Variants in MAP3K4 observed in about 807,000 individuals in gnomAD.
MAP3K4 encodes MAP three kinase 1.
A neutral mutation model predicts 185.6 loss-of-function variants in MAP3K4; 67 were observed. That is an observed-to-expected ratio of 0.36 (90% CI 0.30 to 0.44). MAP3K4 has a LOEUF of 0.44. MAP3K4 is among the 20% of genes least tolerant of loss of function. The pLI is 1.00. For missense variants in MAP3K4, 1,551 were observed against 1,995.1 expected (o/e 0.78, Z 4.24); for synonymous variants, 702 against 710.4 (o/e 0.99, Z 0.19).
chr6:161,027,464 G>C (rs184995874), intron 1 of MAP3K4, among the ~76,000 whole-genome samples: 20 of 152,316 alleles, frequency 1.3e-4, no homozygotes, highest in Admixed American at 3.9e-4. Context: ...TTAGGTGTAA[G>C]AGAGAACTGT....
In MAP3K4 at chr6:161,109,991, C is replaced by A; in HGVS notation, c.4396+77C>A. 2 of 1,448,902 alleles carry A rather than the reference C, an allele frequency of 1.4e-6. No homozygotes were observed. The highest frequency in any genetic ancestry group is 1.2e-5 in the South Asian group (1 of 85,446). 89.8% of individuals were successfully genotyped at this position (1,448,902 alleles called of 1,614,324 possible). On this transcript the variant is annotated intron_variant, in intron 23 of 26. Transcript: ENST00000392142. The surrounding 1 kb of genome is among the most constrained non-coding windows in gnomAD (Gnocchi z 5.7). ...CCGTGGGAGGTGCTCTGAAGACGCT[C>A]ATCCCATTCCCACATATGATTTCTC...
rs755383181 is a variant in MAP3K4, at chr6:161,034,491, G to A, written c.343+42G>A. ...AAAAGAGGTGTACATGAGAGGGTAT[G>A]GCACTTGATTGATTCTTTCAACAAT... On this transcript the variant is annotated intron_variant, in intron 2 of 26. Coordinates refer to ENST00000392142, the MANE Select transcript of MAP3K4 (RefSeq NM_005922.4). This position sits in a 1 kb window ranked among gnomAD's most constrained non-coding sequence, Gnocchi z 4.4. The A allele has an allele frequency of 2.8e-6, 4 of 1,438,752 alleles. No homozygotes were observed. The South Asian group carries it at 3.9e-5, about 14-fold the overall frequency. 89.1% of individuals were successfully genotyped at this position (1,438,752 alleles called of 1,614,324 possible). A position where few individuals can be genotyped will look rare whatever the true frequency, so the allele number is the denominator to read the frequency against.
chr6:161,065,799 G>A (rs918458291), intron 3 of MAP3K4, among the ~76,000 whole-genome samples: 3 of 152,018 alleles, frequency 2.0e-5, no homozygotes, highest in Non-Finnish European at 2.9e-5. Flanking sequence ...TTAGTCTGGC[G>A]TGGTGGCGGG....
intron 15 of MAP3K4, among the ~76,000 whole-genome samples, chr6:161,095,643 AT>A: frequency 6.6e-6 from 1 of 152,296 alleles, no homozygotes; most frequent in East Asian, 1.9e-4. Context: ...GTCAACAGGT[AT>A]TGATCTCACT....
chr6:161,027,093 C>T (rs1055832207), intron 1 of MAP3K4, among the ~76,000 whole-genome samples: 6 of 152,082 alleles, frequency 3.9e-5, no homozygotes, highest in African/African-American at 1.4e-4. Flanking sequence ...AGGCCTCATC[C>T]ACTTACCTAC....
Position 161,107,441 on chromosome 6 carries a change from T to C in MAP3K4, c.4049-458T>C, listed in dbSNP as rs1778134177. 6.6e-6 allele frequency among the ~76,000 whole-genome samples: 1 copy of C among 152,202 alleles called. No homozygotes were observed. The highest frequency in any genetic ancestry group is 1.5e-5 in the Non-Finnish European group (1 of 68,038). ...AGTCTTGTCCAGGCACATATCCTCT[T>C]GCTTTAATGTCCCAGAAGGTATGTT... On this transcript the variant is annotated intron_variant, in intron 20 of 26. Coordinates refer to ENST00000392142, the MANE Select transcript of MAP3K4 (RefSeq NM_005922.4). The surrounding 1 kb of genome is among the most constrained non-coding windows in gnomAD (Gnocchi z 6.2).
At chr6:160,997,652 G>C (rs73022077) in intron 1 of MAP3K4, among the ~76,000 whole-genome samples, 1 of 152,140 alleles carries the variant, frequency 6.6e-6, no homozygotes, top group Admixed American at 6.5e-5. Context: ...ATTTGAGGTA[G>C]TTTTTCATCT....
chr6:161,012,020 A>G (rs949410424), intron 1 of MAP3K4, among the ~76,000 whole-genome samples: 3 of 152,104 alleles, frequency 2.0e-5, no homozygotes, highest in African/African-American at 7.2e-5. Context: ...TGAGTTGGCA[A>G]TCTCCCCACC....
Position 161,102,274 on chromosome 6 carries a change from T to A in MAP3K4, c.3775+282T>A, listed in dbSNP as rs543823102. 1.8e-4 allele frequency among the ~76,000 whole-genome samples: 28 copies of A among 152,354 alleles called. No homozygotes were observed. In the South Asian group the frequency reaches 5.4e-3, roughly 29 times the overall value. ...TATTCTAGATATTTTAACTGTTGAATACTTTTATTCATTTAAAAAATACAA... is the reference window on the plus strand; with the variant it reads ...TATTCTAGATATTTTAACTGTTGAAAACTTTTATTCATTTAAAAAATACAA... On this transcript the variant is annotated intron_variant, in intron 18 of 26. Transcript: ENST00000392142.
In MAP3K4 at chr6:161,100,038, C is replaced by T. The variant is rs887763723; in HGVS notation, c.3674+1611C>T. Among the ~76,000 whole-genome samples the T allele has an allele frequency of 4.7e-4, 72 of 152,146 alleles. No homozygotes were observed. Among genetic ancestry groups the T allele is most frequent in the Non-Finnish European group, 2.1e-4 (14 of 68,030 alleles). ...AAGGACATTTTTTACTCAGGATTCC[C>T]GTTTACTTTATGACCGTCTGTGTGT... On this transcript the variant is annotated intron_variant, in intron 17 of 26. Transcript: ENST00000392142. The surrounding 1 kb of genome is among the most constrained non-coding windows in gnomAD (Gnocchi z 5.8).
chr6:161,058,225 T>G (rs1347621022), intron 3 of MAP3K4, among the ~76,000 whole-genome samples: 1 of 152,226 alleles, frequency 6.6e-6, no homozygotes, highest in Non-Finnish European at 1.5e-5. Flanking sequence ...TAAATATTTT[T>G]TTTGACTTAG....
In MAP3K4 at chr6:161,048,764, A is replaced by G. The variant is rs1431847319; in HGVS notation, c.492A>G (p.Ser164=). ...ERDRKKNVQC[S]FMLDSVGGSL... Reference sequence around the variant, plus strand: ...ATCGTAAAAAAAATGTACAGTGCTCATTCATGTTAGACTCAGTGGGTGGAT... The same window carrying G: ...ATCGTAAAAAAAATGTACAGTGCTCGTTCATGTTAGACTCAGTGGGTGGAT... The change falls in exon 3 of 27, where the codon TCA becomes TCG. Residue 164 remains serine (S), a synonymous_variant. Transcript: ENST00000392142. This position sits in a 1 kb window ranked among gnomAD's most constrained non-coding sequence, Gnocchi z 4.7. The G allele has an allele frequency of 5.0e-6, 8 of 1,614,130 alleles. No individual in the cohort carries two copies. In the African/African-American group the frequency reaches 5.3e-5, roughly 11 times the overall value.
In MAP3K4 at chr6:161,086,896, T is replaced by A. The variant is rs1785745767; in HGVS notation, c.2556+229T>A. Among the ~76,000 whole-genome samples the A allele has an allele frequency of 6.6e-6, 1 of 152,220 alleles. No individual in the cohort carries two copies. The highest frequency in any genetic ancestry group is 2.1e-4 in the South Asian group (1 of 4,826). ...AGAGTGTAGATAAATAATAAAAAGT[T>A]TACTCATGCTGTTTATTAATTTAGT... On this transcript the variant is annotated intron_variant, in intron 9 of 26. Transcript: ENST00000392142. The surrounding 1 kb of genome is among the most constrained non-coding windows in gnomAD (Gnocchi z 4.8).
chr6:161,008,988 C>CT lies in MAP3K4; in HGVS notation c.152+16920dup, dbSNP rs35129518. On this transcript the variant is annotated intron_variant, in intron 1 of 26. Coordinates refer to ENST00000392142, the MANE Select transcript of MAP3K4 (RefSeq NM_005922.4). This position sits in a 1 kb window ranked among gnomAD's most constrained non-coding sequence, Gnocchi z 4.1. ...ATTCATTTTTTTAAACCATCTGAAC[C>CT]TTTTTTTTTTTTTTTGAGACGGAAT... Among the ~76,000 whole-genome samples the CT allele has an allele frequency of 0.12, 16,749 of 139,246 alleles. 1,380 individuals carry two copies. The highest frequency in any genetic ancestry group is 0.24 in the African/African-American group (8,895 of 37,764). The allele number at this position is 139,246 out of a possible 152,430, so 91.4% of individuals were successfully genotyped here. A position where few individuals can be genotyped will look rare whatever the true frequency, so the allele number is the denominator to read the frequency against.
At position 161,097,100 on chromosome 6, in the gene MAP3K4, C is replaced by T. The variant is rs747914971; in HGVS notation, c.3448C>T (p.Arg1150Cys). 12 of 1,614,118 alleles carry T rather than the reference C, an allele frequency of 7.4e-6. No homozygotes were observed. Among genetic ancestry groups the T allele is most frequent in the South Asian group, 2.2e-5 (2 of 91,078 alleles). ...GGCAGCCATTCATCGGAACAGCCCC[C>T]GTCCTATGAAGGTACCTCGATGCCA... is the stretch of plus-strand genomic sequence containing the variant. ...LYLAIHRNSP[R>C]PMKVPRCHSD... Residue 1150 changes from arginine to cysteine, a missense_variant, in exon 16 of 27, where the codon CGT becomes TGT. By Grantham distance (180) the Arg-to-Cys change is radical (BLOSUM62 -3). Transcript: ENST00000392142. This position sits in a 1 kb window ranked among gnomAD's most constrained non-coding sequence, Gnocchi z 4.9.
rs935263357 is a variant in MAP3K4 at position 161,106,140 on chromosome 6, G to C, written c.3857-374G>C. 1.3e-5 allele frequency among the ~76,000 whole-genome samples: 2 copies of C among 152,022 alleles called. No homozygotes were observed. Among genetic ancestry groups the C allele is most frequent in the East Asian group, 3.9e-4 (2 of 5,180 alleles). ...AATGAGTCACTGCTCCAGGCCTCGT[G>C]AATTAAATTTATGTAGGACAGTAAC... On this transcript the variant is annotated intron_variant, in intron 19 of 26. Transcript: ENST00000392142. The surrounding 1 kb of genome is among the most constrained non-coding windows in gnomAD (Gnocchi z 4.9).
At chr6:161,094,264 A>G (rs1777472251) in intron 15 of MAP3K4, among the ~76,000 whole-genome samples, 2 of 152,204 alleles carry the variant, frequency 1.3e-5, no homozygotes, top group African/African-American at 2.4e-5. Context: ...TGAGGAGAGC[A>G]GTGTCCATTT....
Position 161,034,520 on chromosome 6 carries a change from G to A in MAP3K4, c.343+71G>A, listed in dbSNP as rs940425765. The A allele has an allele frequency of 1.5e-4, 191 of 1,260,114 alleles. 2 individuals carry two copies. Among genetic ancestry groups the A allele is most frequent in the Non-Finnish European group, 2.3e-5 (21 of 919,118 alleles). The allele number at this position is 1,260,114 out of a possible 1,614,324, so 78.1% of individuals were successfully genotyped here. On this transcript the variant is annotated intron_variant, in intron 2 of 26. Transcript: ENST00000392142. This position sits in a 1 kb window ranked among gnomAD's most constrained non-coding sequence, Gnocchi z 4.4. Reference sequence around the variant, plus strand: ...CTTGATTGATTCTTTCAACAATAAAGTTAGCAATTTCTTTTATTTTTAATT... The same window carrying A: ...CTTGATTGATTCTTTCAACAATAAAATTAGCAATTTCTTTTATTTTTAATT...
chr6:161,089,763 C>G (rs1041375856), intron 11 of MAP3K4, among the ~76,000 whole-genome samples: 8 of 152,176 alleles, frequency 5.3e-5, no homozygotes, highest in Non-Finnish European at 1.2e-4. Flanking sequence ...TAATTTAGGT[C>G]TCTTCATTCC....
Sources: allele counts gnomAD v4.1 joint callset (sites outside exome capture counted in the v4.1 genomes callset), GRCh38; gene constraint gnomAD v4.1.1; non-coding constraint Gnocchi (gnomAD v3.1); transcripts MANE v1.5; gene names NCBI Gene and HGNC (gene_info 2026-07-23, HGNC 2026-07-21).